Variants in CAST observed in about 807,000 individuals in gnomAD.
The protein encoded by CAST is calpastatin, also known as MIR583 host.
Under a neutral mutation model 119.6 loss-of-function variants are expected in CAST, and 76 were observed. The observed-to-expected ratio is 0.64, with a 90% CI of 0.53 to 0.77. CAST has a LOEUF of 0.77. Ranked by LOEUF, CAST falls within the 30% of genes least tolerant of loss-of-function variation. The probability of loss-of-function intolerance (pLI) is 0.00; values close to 1 mark genes in which losing one functional copy is unlikely to be tolerated. For synonymous variants in CAST, 319 were observed against 331.6 expected, an observed-to-expected ratio of 0.96 and a Z score of 0.41; for missense variants, 953 against 946.5, an observed-to-expected ratio of 1.01 and a Z score of -0.09.
chr5:96,330,456 C>A, the CAST span, among the ~76,000 whole-genome samples: 1 of 152,124 alleles, frequency 6.6e-6, no homozygotes, highest in Non-Finnish European at 1.5e-5. Flanking sequence ...ATTTTATGGA[C>A]AAATGTATCA....
At chr5:96,026,114 G>A in the CAST span, among the ~76,000 whole-genome samples, 5 of 152,158 alleles carry the variant, frequency 3.3e-5, no homozygotes, top group South Asian at 4.1e-4. Flanking sequence ...GCATGCACCC[G>A]TGGTCCCAGC....
chr5:96,668,585 A>G (rs1019548097), intron 1 of CAST, among the ~76,000 whole-genome samples: 1 of 152,196 alleles, frequency 6.6e-6, no homozygotes, highest in African/African-American at 2.4e-5. Flanking sequence ...CACTAATGTC[A>G]ACTCTTTTCA....
the CAST span, chr5:96,421,908 G>A: frequency 6.3e-7 from 1 of 1,587,802 alleles, no homozygotes; most frequent in Non-Finnish European, 8.6e-7. Context: ...TCATATCGGG[G>A]AAATGGATCA....
the CAST span, among the ~76,000 whole-genome samples, chr5:96,490,354 C>CTGTGTG: frequency 0.15 from 22,387 of 149,502 alleles, 1,907 homozygotes; most frequent in Non-Finnish European, 0.19. Flanking sequence ...ATGTGTGTGT[C>CTGTGTG]TGTGTGTGTG....
chr5:96,115,117 T>C, the CAST span, among the ~76,000 whole-genome samples: 1 of 152,246 alleles, frequency 6.6e-6, no homozygotes. Flanking sequence ...GCATTCTTTC[T>C]TGTCTGAAGA....
At chr5:96,356,845 G>C in the CAST span, among the ~76,000 whole-genome samples, 1 of 152,152 alleles carries the variant, frequency 6.6e-6, no homozygotes, top group Non-Finnish European at 1.5e-5. Context: ...GAAATTTAAA[G>C]TAATTTGGTC....
the CAST span, among the ~76,000 whole-genome samples, chr5:96,274,854 T>C: frequency 6.6e-6 from 1 of 152,320 alleles, no homozygotes; most frequent in African/African-American, 2.4e-5. Context: ...CTGGAGAAAC[T>C]TGACACAAAT....
chr5:96,440,753 T>G, the CAST span, among the ~76,000 whole-genome samples: 1 of 152,188 alleles, frequency 6.6e-6, no homozygotes, highest in Non-Finnish European at 1.5e-5. Context: ...GGAAAGTATT[T>G]CATGGGTGCA....
the CAST span, among the ~76,000 whole-genome samples, chr5:96,327,971 C>T: frequency 6.6e-6 from 1 of 152,220 alleles, no homozygotes; most frequent in Non-Finnish European, 1.5e-5. Context: ...TGCTTTCCTG[C>T]CATCCGGCTT....
chr5:96,658,058 C>T (rs1748187808), upstream of CAST, among the ~76,000 whole-genome samples: 1 of 151,986 alleles, frequency 6.6e-6, no homozygotes. Flanking sequence ...GAGATCATGC[C>T]ACTGCACTCC....
At chr5:96,662,646 G>A (rs1341825955) in intron 1 of CAST, 149 bp downstream of exon 1, 2 of 572,840 alleles carry the variant, frequency 3.5e-6, no homozygotes, top group Non-Finnish European at 4.3e-6. Flanking sequence ...GGGCTTGGCC[G>A]CTGCCAGGCA....
At chr5:96,760,433 T>C (rs1298632650) in intron 24 of CAST, among the ~76,000 whole-genome samples, 1 of 151,988 alleles carries the variant, frequency 6.6e-6, no homozygotes, top group Non-Finnish European at 1.5e-5. Flanking sequence ...AAAGAGTCTT[T>C]AGTTTTCAGA....
chr5:96,614,719 A>G (rs192749124), intron 1 of CAST, among the ~76,000 whole-genome samples: 33 of 148,982 alleles, frequency 2.2e-4, no homozygotes, highest in Middle Eastern at 3.4e-3. Flanking sequence ...GTGCCAGATT[A>G]CCCCTCTTCC....
chr5:96,162,516 C>G, the CAST span, among the ~76,000 whole-genome samples: 3 of 152,170 alleles, frequency 2.0e-5, no homozygotes, highest in Admixed American at 2.0e-4. Context: ...CTCCCGGGTT[C>G]AAGCAATTCT....
the CAST span, among the ~76,000 whole-genome samples, chr5:96,492,076 G>A: frequency 6.6e-6 from 1 of 152,316 alleles, no homozygotes; most frequent in South Asian, 2.1e-4. Flanking sequence ...AGAGATACAC[G>A]TAGTTAATAA....
At chr5:96,278,789 C>T in the CAST span, 1 of 152,188 alleles carries the variant, frequency 6.6e-6, no homozygotes, top group Admixed American at 6.5e-5. Flanking sequence ...CATGTATGCA[C>T]ATGCATTCAT....
chr5:96,449,866 C>G, the CAST span, among the ~76,000 whole-genome samples: 1 of 152,316 alleles, frequency 6.6e-6, no homozygotes, highest in East Asian at 1.9e-4. Flanking sequence ...TTACCACTCT[C>G]TTAAGATGGA....
chr5:95,971,634 A>G, the CAST span, among the ~76,000 whole-genome samples: 2 of 152,128 alleles, frequency 1.3e-5, no homozygotes, highest in African/African-American at 4.8e-5. Flanking sequence ...TTAACCCCTA[A>G]CAACTACTGA....
chr5:96,560,637 C>G (rs1746340910), intron 1 of CAST, among the ~76,000 whole-genome samples: 1 of 152,182 alleles, frequency 6.6e-6, no homozygotes, highest in South Asian at 2.1e-4. Context: ...AAATGCAAAT[C>G]AAAACCACAA....
Sources: allele counts gnomAD v4.1 joint callset (sites outside exome capture counted in the v4.1 genomes callset), GRCh38; gene constraint gnomAD v4.1.1; transcripts MANE v1.5; gene names NCBI Gene and HGNC (gene_info 2026-07-23, HGNC 2026-07-21).